The following GRIP1 variants were observed in gnomAD, a reference collection of about 807,000 sequenced individuals.
GRIP1 encodes the protein glutamate receptor interacting protein 1, also known as glutamate receptor-interacting protein 1.
In GRIP1, 45 loss-of-function variants were observed where a neutral mutation model predicts 129.9. That is an observed-to-expected ratio of 0.35 (90% CI 0.27 to 0.44). GRIP1 has a LOEUF of 0.44. Ranked by LOEUF, GRIP1 falls within the 20% of genes least tolerant of loss-of-function variation. The pLI is 1.00. For synonymous variants in GRIP1, 530 were observed against 520.8 expected (o/e 1.02, Z -0.24); for missense variants, 1,196 against 1,396.8 (o/e 0.86, Z 2.29).
intron 1 of GRIP1, among the ~76,000 whole-genome samples, chr12:67,013,102 T>C (rs1321875110): frequency 6.6e-6 from 1 of 152,206 alleles, no homozygotes; most frequent in African/African-American, 2.4e-5. Context: ...CCAAGTCACA[T>C]AATTTGGGTA....
chr12:66,573,583 G>C (rs972157776), intron 2 of GRIP1, among the ~76,000 whole-genome samples: 1 of 152,144 alleles, frequency 6.6e-6, no homozygotes, highest in African/African-American at 2.4e-5. Flanking sequence ...GTAGGTGGCA[G>C]GGCCGGCATT....
chr12:66,931,930 A>G (rs147778169), intron 1 of GRIP1, among the ~76,000 whole-genome samples: 6 of 152,316 alleles, frequency 3.9e-5, no homozygotes, highest in East Asian at 3.9e-4. Flanking sequence ...CTTACAACCA[A>G]ACAAACATTT....
intron 2 of GRIP1, among the ~76,000 whole-genome samples, chr12:66,566,808 G>T (rs1008201259): frequency 6.6e-6 from 1 of 152,088 alleles, no homozygotes; most frequent in Non-Finnish European, 1.5e-5. Context: ...TTCAATTTCA[G>T]AGCCTGTTAT....
At chr12:66,372,857 T>G (rs140097658) in intron 22 of GRIP1, among the ~76,000 whole-genome samples, 2 of 152,300 alleles carry the variant, frequency 1.3e-5, no homozygotes, top group African/African-American at 4.8e-5. Context: ...TAGCCAGTTC[T>G]GTACTCCTGG....
At chr12:66,458,537 AC>A (rs1001124458) in intron 9 of GRIP1, among the ~76,000 whole-genome samples, 1 of 152,138 alleles carries the variant, frequency 6.6e-6, no homozygotes, top group African/African-American at 2.4e-5. Flanking sequence ...GGTGCCCACC[AC>A]CACGCCCAGC....
intron 1 of GRIP1, among the ~76,000 whole-genome samples, chr12:66,996,248 T>A (rs1464327376): frequency 5.3e-5 from 8 of 152,208 alleles, no homozygotes; most frequent in Non-Finnish European, 1.0e-4. Flanking sequence ...TGCACAATTC[T>A]GTGAATATAA....
intron 7 of GRIP1, among the ~76,000 whole-genome samples, chr12:66,509,340 A>G (rs1453713500): frequency 6.6e-6 from 1 of 152,204 alleles, no homozygotes; most frequent in African/African-American, 2.4e-5. Context: ...TCATCTTTTC[A>G]TCAGTCCTAT....
At chr12:66,641,522 C>T (rs77611683) in intron 1 of GRIP1, among the ~76,000 whole-genome samples, 2,766 of 152,242 alleles carry the variant, frequency 0.018, 100 homozygotes, top group African/African-American at 0.063. Context: ...TCCTCTTTGC[C>T]GTTTTTCTAT....
intron 1 of GRIP1, among the ~76,000 whole-genome samples, chr12:66,715,812 G>A (rs1172140356): frequency 6.6e-6 from 1 of 152,034 alleles, no homozygotes; most frequent in Non-Finnish European, 1.5e-5. Context: ...AGTTTAAGAA[G>A]GGAAGAAATG....
intron 1 of GRIP1, among the ~76,000 whole-genome samples, chr12:66,819,580 A>G (rs1272774413): frequency 6.6e-6 from 1 of 152,190 alleles, no homozygotes; most frequent in Non-Finnish European, 1.5e-5. Flanking sequence ...GCTACATTAA[A>G]CCACTTTTAT....
At chr12:66,401,609 T>TATATATATATATATACACACAC (rs1169241331) in intron 16 of GRIP1, among the ~76,000 whole-genome samples, 33 of 110,174 alleles carry the variant, frequency 3.0e-4, no homozygotes, top group Non-Finnish European at 3.7e-4. Flanking sequence ...TATATATATA[T>TATATATATATATATACACACAC]ACACACACAC....
chr12:66,404,947 G>C (rs892390350), intron 16 of GRIP1, among the ~76,000 whole-genome samples: 2 of 152,176 alleles, frequency 1.3e-5, no homozygotes, highest in African/African-American at 4.8e-5. Flanking sequence ...CACAAGAATT[G>C]CTTGAACCTG....
At chr12:66,521,146 C>G (rs1321151083) in intron 5 of GRIP1, among the ~76,000 whole-genome samples, 1 of 152,166 alleles carries the variant, frequency 6.6e-6, no homozygotes, top group African/African-American at 2.4e-5. Context: ...CTCACTTGAG[C>G]ACTCTATCAA....
chr12:66,875,382 GCACTGATGTT>G (rs1392968475), intron 1 of GRIP1, among the ~76,000 whole-genome samples: 3 of 152,028 alleles, frequency 2.0e-5, no homozygotes, highest in Non-Finnish European at 2.9e-5. Flanking sequence ...TGGATGTTCT[GCACTGATGTT>G]CTCTGTTAAG....
Position 66,406,305 on chromosome 12 carries a change from G to A in GRIP1, c.1962C>T (p.Ile654=), listed in dbSNP as rs751142886. Residue 654 remains isoleucine, a synonymous_variant, in exon 16 of 25, where the codon ATC becomes ATT. Coordinates refer to ENST00000359742, the MANE Select transcript of GRIP1 (RefSeq NM_001366722.1). ...QQCEDLVKLK[I]RKDEDNSDEQ... ...TACCTGAATTATCTTCATCTTTGCG[G>A]ATTTTGAGCTTCACCAGGTCTTCAC... The A allele has an allele frequency of 3.1e-6, 5 of 1,614,142 alleles. No individual in the cohort carries two copies. The East Asian group carries it at 6.7e-5, about 22-fold the overall frequency.
At chr12:66,536,021 G>A (rs1357331915) in intron 4 of GRIP1, among the ~76,000 whole-genome samples, 2 of 152,078 alleles carry the variant, frequency 1.3e-5, no homozygotes, top group Non-Finnish European at 2.9e-5. Flanking sequence ...TCCTGTTAAC[G>A]GATACTCTGT....
At chr12:67,049,230 C>G (rs899270073) in intron 1 of GRIP1, among the ~76,000 whole-genome samples, 7 of 152,110 alleles carry the variant, frequency 4.6e-5, no homozygotes, top group Non-Finnish European at 7.4e-5. Flanking sequence ...CATCAAATAT[C>G]CTTCATGACA....
intron 1 of GRIP1, among the ~76,000 whole-genome samples, chr12:66,887,769 CAG>C (rs1398242117): frequency 6.6e-6 from 1 of 152,086 alleles, no homozygotes; most frequent in Non-Finnish European, 1.5e-5. Context: ...CTAAAAGAAA[CAG>C]AGAGGTGGAT....
chr12:66,577,964 A>G (rs570574050), intron 2 of GRIP1, among the ~76,000 whole-genome samples: 2 of 152,304 alleles, frequency 1.3e-5, no homozygotes, highest in African/African-American at 4.8e-5. Flanking sequence ...AAAACCAACC[A>G]ACCAATCAAC....
Sources: gnomAD v4.1 joint callset for allele counts (sites outside exome capture counted in the v4.1 genomes callset) on GRCh38, gnomAD v4.1.1 for gene constraint, MANE v1.5 for transcripts, NCBI Gene and HGNC (gene_info 2026-07-23, HGNC 2026-07-21) for gene names.